The following RSPO2 variants were observed in gnomAD, a reference collection of about 807,000 sequenced individuals.
The protein encoded by RSPO2 is R-spondin-2.
A neutral mutation model predicts 30.9 loss-of-function variants in RSPO2; 14 were observed. The observed-to-expected ratio is 0.45, with a 90% CI of 0.30 to 0.71. The LOEUF is 0.71. RSPO2 is among the 30% of genes least tolerant of loss of function. The pLI is 0.08. For synonymous variants in RSPO2, 107 were observed against 96.4 expected, an observed-to-expected ratio of 1.11 and a Z score of -0.64; for missense variants, 264 against 301.9, an observed-to-expected ratio of 0.87 and a Z score of 0.93.
chr8:107,911,476 G>C (rs1811825421), intron 5 of RSPO2, among the ~76,000 whole-genome samples: 1 of 152,150 alleles, frequency 6.6e-6, no homozygotes, highest in Non-Finnish European at 1.5e-5. Context: ...TCTTGGACTA[G>C]ACACTTTTTC....
rs1811443759 is a variant in RSPO2, at chr8:107,901,080, G to T, written c.727C>A (p.Gln243Lys). The T allele has an allele frequency of 6.2e-6, 10 of 1,612,498 alleles. No individual in the cohort carries two copies. The highest frequency in any genetic ancestry group is 7.6e-6 in the Non-Finnish European group (9 of 1,179,702). Residue 243 changes from glutamine to lysine, a missense_variant, in exon 6 of 6, where the codon CAA (glutamine) becomes AAA (lysine). By Grantham distance (53) the Gln-to-Lys change is moderately conservative. Transcript: ENST00000276659. ...AATCTACCGGATCTCTTGTTTTATT[G>T]GTTAGCTCTGTCTGTAGCTAGGAAG... ...SVFLATDRANQ is the reference protein window; with the variant it reads ...SVFLATDRANK
chr8:107,985,099 T>A (rs1467634983), intron 3 of RSPO2, among the ~76,000 whole-genome samples: 1 of 152,156 alleles, frequency 6.6e-6, no homozygotes, highest in Admixed American at 6.5e-5. Flanking sequence ...GTGACAAATA[T>A]GTGTTCAGCT....
rs143690664 is a variant in RSPO2, at chr8:107,939,159, AT to A, written c.616+18920del. 8.2e-3 allele frequency among the ~76,000 whole-genome samples: 1,222 copies of A among 149,886 alleles called. 17 individuals carry two copies. Among genetic ancestry groups the A allele is most frequent in the African/African-American group, 0.025 (1,018 of 40,834 alleles). ...TAACTCCGGCCAAGTCTAAACAAAC[AT>A]TTTTTTTTTCCTTCCAGTTATTATT... On this transcript the variant is annotated intron_variant, in intron 5 of 5. Coordinates refer to ENST00000276659, the MANE Select transcript of RSPO2 (RefSeq NM_178565.5).
chr8:108,052,522 C>T (rs1812106016), intron 2 of RSPO2, among the ~76,000 whole-genome samples: 1 of 152,028 alleles, frequency 6.6e-6, no homozygotes, highest in African/African-American at 2.4e-5. Context: ...TAAAGTGTTT[C>T]AGGGAATCTT....
At chr8:108,018,522 T>C (rs1016158521) in intron 2 of RSPO2, among the ~76,000 whole-genome samples, 1 of 152,222 alleles carries the variant, frequency 6.6e-6, no homozygotes, top group South Asian at 2.1e-4. Flanking sequence ...TTTAATAGTT[T>C]AAGCTATTCC....
At chr8:108,043,584 G>GA (rs1227287769) in intron 2 of RSPO2, among the ~76,000 whole-genome samples, 2 of 133,032 alleles carry the variant, frequency 1.5e-5, no homozygotes, top group Admixed American at 1.4e-4. Flanking sequence ...TACTTTGGGG[G>GA]AAAAAAGTAT....
chr8:107,903,030 T>A (rs1341086703), intron 5 of RSPO2, among the ~76,000 whole-genome samples: 1 of 152,186 alleles, frequency 6.6e-6, no homozygotes, highest in South Asian at 2.1e-4. Flanking sequence ...TTATCTCTAA[T>A]GATGAGACAC....
chr8:108,050,865 G>A (rs1227140343), intron 2 of RSPO2, among the ~76,000 whole-genome samples: 1 of 152,140 alleles, frequency 6.6e-6, no homozygotes, highest in African/African-American at 2.4e-5. Context: ...AGAATCCTCT[G>A]GGTTGGGGGG....
intron 2 of RSPO2, among the ~76,000 whole-genome samples, chr8:108,026,066 C>T (rs1014878220): frequency 1.3e-5 from 2 of 152,122 alleles, no homozygotes; most frequent in Non-Finnish European, 2.9e-5. Flanking sequence ...AAGTTAATGT[C>T]CCTAGAATGT....
intron 5 of RSPO2, among the ~76,000 whole-genome samples, chr8:107,915,780 T>C (rs943089158): frequency 1.3e-5 from 2 of 152,162 alleles, no homozygotes; most frequent in African/African-American, 2.4e-5. Flanking sequence ...TGTTTTGTTA[T>C]GTGTATTTTG....
intron 2 of RSPO2, among the ~76,000 whole-genome samples, chr8:108,010,550 TAGAG>T (rs1810671644): frequency 6.6e-6 from 1 of 151,976 alleles, no homozygotes; most frequent in Non-Finnish European, 1.5e-5. Context: ...AGAAGTGTCT[TAGAG>T]AGCGAGCAAG....
intron 5 of RSPO2, among the ~76,000 whole-genome samples, chr8:107,908,862 G>T (rs1027563033): frequency 6.6e-6 from 1 of 152,150 alleles, no homozygotes; most frequent in African/African-American, 2.4e-5. Context: ...TTTCTTATGG[G>T]AAAGTTAAAC....
At chr8:107,992,635 T>C (rs1814884934) in intron 2 of RSPO2, among the ~76,000 whole-genome samples, 1 of 152,148 alleles carries the variant, frequency 6.6e-6, no homozygotes, top group Non-Finnish European at 1.5e-5. Context: ...ACATGAGTTC[T>C]TAGATTAAAA....
intron 5 of RSPO2, among the ~76,000 whole-genome samples, chr8:107,941,679 T>C (rs958058470): frequency 6.6e-6 from 1 of 152,256 alleles, no homozygotes; most frequent in African/African-American, 2.4e-5. Context: ...TGTTGCTTAT[T>C]CTGTTCTGTT....
At chr8:107,960,304 T>C (rs1012857325) in intron 4 of RSPO2, among the ~76,000 whole-genome samples, 5 of 152,014 alleles carry the variant, frequency 3.3e-5, no homozygotes, top group Non-Finnish European at 5.9e-5. Context: ...TATCCACACA[T>C]AGCAGGAGCA....
At chr8:107,903,111 G>A (rs1288370757) in intron 5 of RSPO2, among the ~76,000 whole-genome samples, 2 of 152,006 alleles carry the variant, frequency 1.3e-5, no homozygotes, top group African/African-American at 2.4e-5. Context: ...CAATTATAAA[G>A]TGTTATGAAG....
chr8:107,977,535 A>G (rs978342792), intron 3 of RSPO2, among the ~76,000 whole-genome samples: 3 of 152,224 alleles, frequency 2.0e-5, no homozygotes, highest in African/African-American at 7.2e-5. Flanking sequence ...GATAATGATT[A>G]AAATACACAG....
At chr8:108,010,044 G>GAAAA (rs1179260761) in intron 2 of RSPO2, among the ~76,000 whole-genome samples, 2 of 150,630 alleles carry the variant, frequency 1.3e-5, no homozygotes, top group Non-Finnish European at 3.0e-5. Flanking sequence ...ATAAGGCCCT[G>GAAAA]TCTCAGAAAA....
intron 5 of RSPO2, among the ~76,000 whole-genome samples, chr8:107,916,717 G>A (rs977651309): frequency 3.3e-5 from 5 of 152,126 alleles, no homozygotes; most frequent in Admixed American, 6.5e-5. Flanking sequence ...TGAGCAAGTT[G>A]GCTAAGATTT....
Sources: gnomAD v4.1 joint callset for allele counts (sites outside exome capture counted in the v4.1 genomes callset) on GRCh38, gnomAD v4.1.1 for gene constraint, MANE v1.5 for transcripts, NCBI Gene and HGNC (gene_info 2026-07-23, HGNC 2026-07-21) for gene names.